Variants in CENPP observed in about 807,000 individuals in gnomAD.
The protein encoded by CENPP is centromere protein P.
A neutral mutation model predicts 35.6 loss-of-function variants in CENPP; 24 were observed. The observed-to-expected ratio is 0.67, with a 90% CI of 0.49 to 0.95. The LOEUF is 0.95. Ranked by LOEUF, CENPP falls within the 40% of genes least tolerant of loss-of-function variation. The pLI is 0.00. For synonymous variants in CENPP, 120 were observed against 125.5 expected (o/e 0.96, Z 0.29); for missense variants, 332 against 345.3 (o/e 0.96, Z 0.31).
intron 5 of CENPP, among the ~76,000 whole-genome samples, chr9:92,505,297 A>G (rs1011298482): frequency 1.3e-5 from 2 of 152,194 alleles, no homozygotes; most frequent in African/African-American, 2.4e-5. Flanking sequence ...ATTTCCCCCA[A>G]GAGCTATCAG....
intron 5 of CENPP, chr9:92,403,293 C>G (rs1843194633): frequency 6.2e-7 from 1 of 1,611,084 alleles, no homozygotes; most frequent in Admixed American, 1.7e-5. Flanking sequence ...ATGGATTCTT[C>G]AAAATTATCT....
intron 5 of CENPP, among the ~76,000 whole-genome samples, chr9:92,411,935 G>A (rs545897991): frequency 2.0e-5 from 3 of 152,002 alleles, no homozygotes; most frequent in African/African-American, 4.8e-5. Context: ...AGTCACTGCC[G>A]CTTTAGCATT....
chr9:92,438,739 G>C (rs1190358382), intron 5 of CENPP, among the ~76,000 whole-genome samples: 1 of 152,220 alleles, frequency 6.6e-6, no homozygotes, highest in African/African-American at 2.4e-5. Flanking sequence ...GATCACTTGA[G>C]GTCAGGAGTT....
chr9:92,479,911 A>G (rs1442209475), intron 5 of CENPP, among the ~76,000 whole-genome samples: 1 of 152,186 alleles, frequency 6.6e-6, no homozygotes, highest in African/African-American at 2.4e-5. Context: ...CTGTTTACCA[A>G]TAGGAAAATA....
At chr9:92,569,420 G>A (rs2131352037) in intron 5 of CENPP, among the ~76,000 whole-genome samples, 1 of 152,264 alleles carries the variant, frequency 6.6e-6, no homozygotes, top group Non-Finnish European at 1.5e-5. Context: ...TGAGGGCTCT[G>A]TTCTGTTCCA....
intron 5 of CENPP, among the ~76,000 whole-genome samples, chr9:92,468,723 T>A (rs777794007): frequency 7.2e-5 from 11 of 152,230 alleles, no homozygotes; most frequent in African/African-American, 2.7e-4. Flanking sequence ...CTTTAAAAAG[T>A]GATTTACATC....
intron 5 of CENPP, among the ~76,000 whole-genome samples, chr9:92,400,178 T>A (rs1030759567): frequency 4.6e-5 from 7 of 152,260 alleles, no homozygotes; most frequent in South Asian, 4.2e-4. Flanking sequence ...TGAGACAGAG[T>A]CTTGCTCTGC....
intron 5 of CENPP, among the ~76,000 whole-genome samples, chr9:92,382,818 G>A (rs1842286104): frequency 6.6e-6 from 1 of 151,634 alleles, no homozygotes; most frequent in African/African-American, 2.4e-5. Context: ...TATTTGGAAG[G>A]GTTTATTTCT....
At chr9:92,482,856 A>C (rs1405113666) in intron 5 of CENPP, among the ~76,000 whole-genome samples, 1 of 151,734 alleles carries the variant, frequency 6.6e-6, no homozygotes, top group African/African-American at 2.4e-5. Flanking sequence ...AAAGAACCAT[A>C]CTTTTTTTTT....
At chr9:92,513,071 T>C (rs1169313349) in intron 5 of CENPP, among the ~76,000 whole-genome samples, 2 of 152,176 alleles carry the variant, frequency 1.3e-5, no homozygotes, top group Non-Finnish European at 2.9e-5. Context: ...CCTTTTCAGC[T>C]TCCCTCACCC....
At chr9:92,514,872 C>T (rs1357055524) in intron 5 of CENPP, 2 of 1,613,138 alleles carry the variant, frequency 1.2e-6, no homozygotes, top group East Asian at 2.2e-5. Context: ...CATCCTCCTC[C>T]TCCTCCCTTC....
intron 5 of CENPP, chr9:92,390,008 T>C: frequency 6.2e-7 from 1 of 1,608,012 alleles, no homozygotes; most frequent in Non-Finnish European, 8.5e-7. Flanking sequence ...AGTACCATCT[T>C]CTATATCTTC....
At chr9:92,498,309 CGTT>C (rs2131142528) in intron 5 of CENPP, among the ~76,000 whole-genome samples, 1 of 151,854 alleles carries the variant, frequency 6.6e-6, no homozygotes, top group South Asian at 2.1e-4. Context: ...CAATCATAGA[CGTT>C]GGGGGAGGGA....
chr9:92,581,212 G>A (rs1437211017), intron 5 of CENPP, among the ~76,000 whole-genome samples: 4 of 152,066 alleles, frequency 2.6e-5, no homozygotes, highest in Non-Finnish European at 5.9e-5. Context: ...TACTACTTTA[G>A]CAGAAAACGA....
At chr9:92,545,711 C>T (rs1849424910) in intron 5 of CENPP, among the ~76,000 whole-genome samples, 1 of 152,016 alleles carries the variant, frequency 6.6e-6, no homozygotes, top group Non-Finnish European at 1.5e-5. Flanking sequence ...TGGGCTCATC[C>T]AGCTGGGCTC....
chr9:92,344,463 T>A (rs1841220751), intron 3 of CENPP, among the ~76,000 whole-genome samples: 1 of 152,186 alleles, frequency 6.6e-6, no homozygotes. Flanking sequence ...CAGTTTAAAG[T>A]GTACAGTTCA....
At position 92,443,398 on chromosome 9, in the gene CENPP, CT is replaced by C. The variant is rs1237811542; in HGVS notation, c.564+63543del. ...GTAACTCTAAAAAAAATGTGTAAGA[CT>C]TTTATCAGAATACTACAAAACAATG... is the stretch of plus-strand genomic sequence containing the variant. On this transcript the variant is annotated intron_variant, in intron 5 of 7. Transcript: ENST00000375587. Among the ~76,000 whole-genome samples the C allele has an allele frequency of 2.6e-5, 4 of 152,212 alleles. No homozygotes were observed. The East Asian group carries it at 5.8e-4, about 22-fold the overall frequency.
In CENPP at chr9:92,613,182, C is replaced by T. The variant is rs780250106; in HGVS notation, c.*33C>T. The T allele has an allele frequency of 2.3e-4, 370 of 1,613,114 alleles. No individual in the cohort carries two copies. The highest frequency in any genetic ancestry group is 2.9e-4 in the Non-Finnish European group (345 of 1,179,324). On this transcript the variant is annotated 3_prime_UTR_variant, in exon 8 of 8. Coordinates refer to ENST00000375587, the MANE Select transcript of CENPP (RefSeq NM_001012267.3). The stretch of plus-strand genomic sequence containing the variant: ...ACAGTGAACGTGGAGGATGAAGATG[C>T]TGCGTGGAGGAACATGCAATTTTAT...
intron 5 of CENPP, among the ~76,000 whole-genome samples, chr9:92,383,391 T>C (rs1027360368): frequency 2.6e-5 from 4 of 152,334 alleles, no homozygotes; most frequent in Non-Finnish European, 5.9e-5. Flanking sequence ...TTGGATAGTA[T>C]TGTTGTCTTA....
Sources: allele counts gnomAD v4.1 joint callset (sites outside exome capture counted in the v4.1 genomes callset), GRCh38; gene constraint gnomAD v4.1.1; transcripts MANE v1.5; gene names NCBI Gene and HGNC (gene_info 2026-07-23, HGNC 2026-07-21).